The following CCDC38 variants were observed in gnomAD, a reference collection of about 807,000 sequenced individuals.
CCDC38 encodes coiled-coil domain-containing protein 38.
Under a neutral mutation model 72.8 loss-of-function variants are expected in CCDC38, and 69 were observed. That is an observed-to-expected ratio of 0.95 (90% confidence interval 0.78 to 1.16). CCDC38 has a LOEUF of 1.16. Ranked by LOEUF, CCDC38 falls within the 50% of genes most tolerant of loss-of-function variation. CCDC38 has a pLI of 0.00. For synonymous variants in CCDC38, 201 were observed against 213.2 expected (o/e 0.94, Z 0.50); for missense variants, 626 against 638.9 (o/e 0.98, Z 0.22).
chr12:95,901,087 C>A (rs7976481), intron 5 of CCDC38, among the ~76,000 whole-genome samples: 22,915 of 152,068 alleles, frequency 0.15, 1,985 homozygotes, highest in South Asian at 0.28. Flanking sequence ...AAGTTATAAC[C>A]CTAATACATG....
intron 14 of CCDC38, among the ~76,000 whole-genome samples, chr12:95,870,192 G>A (rs10777747): frequency 0.73 from 110,463 of 152,070 alleles, 40,838 homozygotes; most frequent in African/African-American, 0.78. Context: ...ACATACAGAA[G>A]AGTACACAAA....
At chr12:95,887,677 G>A (rs1181749137) in intron 10 of CCDC38, among the ~76,000 whole-genome samples, 5 of 152,190 alleles carry the variant, frequency 3.3e-5, no homozygotes, top group Non-Finnish European at 5.9e-5. Context: ...GTATTTGATG[G>A]CATCCATGTC....
intron 9 of CCDC38, chr12:95,889,000 C>T (rs34716529): frequency 0.17 from 29,551 of 174,242 alleles, 3,363 homozygotes; most frequent in Non-Finnish European, 0.24. Flanking sequence ...TCAGATGGGT[C>T]CCATCACCAT....
At position 95,906,468 on chromosome 12, in the gene CCDC38, A is replaced by G; in HGVS notation, c.305-17T>C. 1 of 1,588,116 alleles carries G rather than the reference A, an allele frequency of 6.3e-7. No individual in the cohort carries two copies. Among genetic ancestry groups the G allele is most frequent in the Non-Finnish European group, 8.6e-7 (1 of 1,157,790 alleles). On this transcript the variant is annotated splice_polypyrimidine_tract_variant and intron_variant, in intron 4 of 15. Coordinates refer to ENST00000344280, the MANE Select transcript of CCDC38 (RefSeq NM_182496.3). ...TGTCGGAACCTGTGAAGAAAGTTGAAATAGACTTAAGTTTAGTTCATCATC... is the reference window on the plus strand; with the variant it reads ...TGTCGGAACCTGTGAAGAAAGTTGAGATAGACTTAAGTTTAGTTCATCATC...
rs1565943249 is a variant in CCDC38, at chr12:95,878,358, G to C, written c.1143-12C>G. On this transcript the variant is annotated splice_polypyrimidine_tract_variant and intron_variant, in intron 12 of 15. Coordinates refer to ENST00000344280, the MANE Select transcript of CCDC38 (RefSeq NM_182496.3). ...CTATGTTGCTATTTCTATTACAAAAGAAGAAAGAGACCCTCATCTGAAATT... is the reference window on the plus strand; with the variant it reads ...CTATGTTGCTATTTCTATTACAAAACAAGAAAGAGACCCTCATCTGAAATT... The C allele has an allele frequency of 6.2e-7, 1 of 1,606,128 alleles. No homozygotes were observed. Among genetic ancestry groups the C allele is most frequent in the Admixed American group, 1.7e-5 (1 of 58,302 alleles).
Position 95,867,132 on chromosome 12 carries a change from G to T in CCDC38, c.1636C>A (p.Pro546Thr). 1 of 1,609,602 alleles carries T rather than the reference G, an allele frequency of 6.2e-7. No homozygotes were observed. The highest frequency in any genetic ancestry group is 1.1e-5 in the South Asian group (1 of 90,442). ...KPPSGNKQQL[P>T]LVNETKTKSQ... Reference sequence around the variant, plus strand: ...TTTGTTTTTGTTTCATTGACTAAAGGTAGCTGCTGTTTGTTACCAGATGGA... The same window carrying T: ...TTTGTTTTTGTTTCATTGACTAAAGTTAGCTGCTGTTTGTTACCAGATGGA... Residue 546 changes from proline to threonine, a missense_variant, in exon 16 of 16, where the codon CCT becomes ACT. Transcript: ENST00000344280.
chr12:95,872,174 A>G (rs1203777686), intron 14 of CCDC38, 81 bp downstream of exon 14: 22 of 1,260,452 alleles, frequency 1.7e-5, no homozygotes, highest in Non-Finnish European at 2.3e-5. Flanking sequence ...ATGACATTAC[A>G]CAAGAGACTT....
intron 2 of CCDC38, chr12:95,935,146 C>T (rs942402514): frequency 6.6e-6 from 1 of 152,210 alleles, no homozygotes; most frequent in Non-Finnish European, 1.5e-5. Flanking sequence ...TCTTTAATCA[C>T]TTGTGCATAC....
intron 11 of CCDC38, among the ~76,000 whole-genome samples, chr12:95,880,212 AT>A (rs965921548): frequency 3.3e-5 from 5 of 152,176 alleles, no homozygotes; most frequent in Non-Finnish European, 7.3e-5. Flanking sequence ...TACCTTAAAC[AT>A]TTTTTTAAAA....
intron 6 of CCDC38, 37 bp from the exon 7 acceptor site, chr12:95,898,502 GAAAC>G (rs60008366): frequency 1.7e-4 from 269 of 1,607,926 alleles, no homozygotes; most frequent in African/African-American, 1.1e-3. Context: ...TTGCTTCTTA[GAAAC>G]AAACAAACAA....
rs77080315 is a variant in CCDC38 at position 95,890,302 on chromosome 12, G to C, written c.871+530C>G. ...GCGCAGCCCAGTGGGCCAAATCTCC[G>C]GTCTGAACTTGTGATGCAGAGTGGG... On this transcript the variant is annotated intron_variant, in intron 9 of 15. Coordinates refer to ENST00000344280, the MANE Select transcript of CCDC38 (RefSeq NM_182496.3). 3.0e-3 allele frequency among the ~76,000 whole-genome samples: 453 copies of C among 152,302 alleles called. 4 individuals carry two copies. The highest frequency in any genetic ancestry group is 0.01 in the African/African-American group (421 of 41,558).
rs2079912428 is a variant in CCDC38 at position 95,898,285 on chromosome 12, A to G, written c.614+100T>C. ...ATTCGTTCATACTTATGACATCATC[A>G]ACTGATAAGGATGATCAGGATTATT... On this transcript the variant is annotated intron_variant, in intron 7 of 15. Transcript: ENST00000344280. The G allele has an allele frequency of 7.0e-6, 8 of 1,138,568 alleles. No homozygotes were observed. In the South Asian group the frequency reaches 1.0e-4, roughly 14 times the overall value. The allele number at this position is 1,138,568 out of a possible 1,614,324, so 70.5% of individuals were successfully genotyped here.
chr12:95,914,974 G>T (rs561705230), intron 4 of CCDC38, among the ~76,000 whole-genome samples: 1 of 152,208 alleles, frequency 6.6e-6, no homozygotes, highest in African/African-American at 2.4e-5. Context: ...TTTAATAGAA[G>T]AAAAGAATGA....
rs376174026 is a variant in CCDC38, at chr12:95,867,189, A to G, written c.1579T>C (p.Leu527=). 1.6e-5 allele frequency: 24 copies of G among 1,517,502 alleles called. No individual in the cohort carries two copies. The South Asian group carries it at 2.0e-4, about 13-fold the overall frequency. The allele number at this position is 1,517,502 out of a possible 1,614,324, so 94.0% of individuals were successfully genotyped here. A position where few individuals can be genotyped will look rare whatever the true frequency, so the allele number is the denominator to read the frequency against. Residue 527 remains leucine (L), a splice_region_variant and synonymous_variant, in exon 16 of 16, where the codon TTG becomes CTG. Coordinates refer to ENST00000344280, the MANE Select transcript of CCDC38 (RefSeq NM_182496.3). ...GAATGAAAGACAAGTCGTCTTCCCAACTGAAACAAAAGAAAAACAAAATAC... is the reference window on the plus strand; with the variant it reads ...GAATGAAAGACAAGTCGTCTTCCCAGCTGAAACAAAAGAAAAACAAAATAC... ...EKAVAQPKKK[L]GRRLVFHSKP... is the part of the protein sequence containing the mutation.
At chr12:95,904,096 G>A (rs2079977297) in intron 5 of CCDC38, among the ~76,000 whole-genome samples, 1 of 152,032 alleles carries the variant, frequency 6.6e-6, no homozygotes, top group Non-Finnish European at 1.5e-5. Context: ...TTCTTGGGTA[G>A]GCTTTGGTAG....
chr12:95,936,544 A>T, intron 1 of CCDC38, 21 bp from the exon 2 acceptor site: 3 of 1,601,824 alleles, frequency 1.9e-6, no homozygotes, highest in Non-Finnish European at 2.6e-6. Flanking sequence ...AAAAAAAAAT[A>T]CGTTTTTTAA....
rs1192420231 is a variant in CCDC38, at chr12:95,872,353, T to C, written c.1386A>G (p.Val462=). The C allele has an allele frequency of 6.2e-7, 1 of 1,614,208 alleles. No individual in the cohort carries two copies. Among genetic ancestry groups the C allele is most frequent in the East Asian group, 2.2e-5 (1 of 44,882 alleles). ...GLNPIQKLVK[V]ESRLVELCDL... is the part of the protein sequence containing the mutation. ...CACACAGTTCTACCAGGCGAGATTC[T>C]ACTTTTACCAGCTTTTGAATTGGGT... The change falls in exon 14 of 16, where the codon GTA becomes GTG. Residue 462 remains valine (V), a synonymous_variant. Transcript: ENST00000344280.
At chr12:95,913,722 T>A (rs2080117593) in intron 4 of CCDC38, among the ~76,000 whole-genome samples, 1 of 152,242 alleles carries the variant, frequency 6.6e-6, no homozygotes, top group East Asian at 1.9e-4. Flanking sequence ...TGTTACTGGC[T>A]ATTATTTAAA....
intron 11 of CCDC38, 55 bp downstream of exon 11, chr12:95,881,430 C>G: frequency 8.2e-7 from 1 of 1,226,402 alleles, no homozygotes; most frequent in Non-Finnish European, 1.2e-6. Flanking sequence ...AATAAATGAT[C>G]ATCAGTATTT....
Sources: allele counts gnomAD v4.1 joint callset (sites outside exome capture counted in the v4.1 genomes callset), GRCh38; gene constraint gnomAD v4.1.1; transcripts MANE v1.5; gene names NCBI Gene and HGNC (gene_info 2026-07-23, HGNC 2026-07-21).